The following PPP1R13B variants were observed in gnomAD, a reference collection of about 807,000 sequenced individuals.
PPP1R13B encodes the protein protein phosphatase 1 regulatory subunit 13B.
Under a neutral mutation model 119.8 loss-of-function variants are expected in PPP1R13B, and 44 were observed. That is an observed-to-expected ratio of 0.37 (90% CI 0.29 to 0.47). PPP1R13B has a LOEUF of 0.47. PPP1R13B is among the 20% of genes least tolerant of loss of function. PPP1R13B has a pLI of 0.99. For synonymous variants in PPP1R13B, 542 were observed against 561.5 expected (o/e 0.97, Z 0.49); for missense variants, 1,227 against 1,413.5 (o/e 0.87, Z 2.12).
At chr14:103,782,596 A>C (rs2085362183) in intron 3 of PPP1R13B, among the ~76,000 whole-genome samples, 1 of 152,218 alleles carries the variant, frequency 6.6e-6, no homozygotes, top group Non-Finnish European at 1.5e-5. Flanking sequence ...AGCAATGCAG[A>C]AGACGGCCTG....
At chr14:103,819,531 A>G (rs1261420796) in intron 1 of PPP1R13B, among the ~76,000 whole-genome samples, 1 of 151,908 alleles carries the variant, frequency 6.6e-6, no homozygotes, top group African/African-American at 2.4e-5. Flanking sequence ...AAAAACAACA[A>G]CAAAAAGAAA....
chr14:103,847,385 G>A lies in PPP1R13B; in HGVS notation c.-78C>T. The A allele has an allele frequency of 9.4e-7, 1 of 1,063,538 alleles. No homozygotes were observed. Among genetic ancestry groups the A allele is most frequent in the South Asian group, 3.8e-5 (1 of 25,984 alleles). The allele number at this position is 1,063,538 out of a possible 1,614,324, so 65.9% of individuals were successfully genotyped here. ...CCGAGCTGTGCCCACCGCTCCGGCC[G>A]CCTCCTAAGGCCGCGCTCCCGCCGC... is the stretch of plus-strand genomic sequence containing the variant. On this transcript the variant is annotated 5_prime_UTR_variant, in exon 1 of 17. Coordinates refer to ENST00000202556, the MANE Select transcript of PPP1R13B (RefSeq NM_015316.3).
At chr14:103,739,617 G>A (rs116421241) in intron 12 of PPP1R13B, among the ~76,000 whole-genome samples, 1,524 of 152,314 alleles carry the variant, frequency 0.01, 23 homozygotes, top group African/African-American at 0.035. Context: ...TGGCCACATT[G>A]TGCATTTGTG....
At chr14:103,818,530 C>T in intron 1 of PPP1R13B, 2 of 977,606 alleles carry the variant, frequency 2.0e-6, no homozygotes, top group Non-Finnish European at 2.4e-6. Flanking sequence ...AGCTACTAGA[C>T]AAATCATACA....
chr14:103,835,062 A>T (rs555627158), intron 1 of PPP1R13B, among the ~76,000 whole-genome samples: 1 of 152,168 alleles, frequency 6.6e-6, no homozygotes, highest in Non-Finnish European at 1.5e-5. Context: ...GCTAAGAAGA[A>T]GCCTCATGGT....
intron 2 of PPP1R13B, among the ~76,000 whole-genome samples, chr14:103,785,416 C>G (rs2085437898): frequency 6.6e-6 from 1 of 152,048 alleles, no homozygotes; most frequent in African/African-American, 2.4e-5. Context: ...GAGGGTTTCA[C>G]CATGTTAGCC....
At chr14:103,789,518 T>C (rs780429133) in intron 2 of PPP1R13B, among the ~76,000 whole-genome samples, 3 of 150,096 alleles carry the variant, frequency 2.0e-5, no homozygotes, top group Non-Finnish European at 4.4e-5. Context: ...GTCCGGCCAA[T>C]TTTTTATTTT....
intron 15 of PPP1R13B, chr14:103,736,431 A>T: frequency 1.7e-6 from 1 of 589,916 alleles, no homozygotes; most frequent in Admixed American, 3.0e-5. Context: ...GTCCTGCAGG[A>T]CAGACAGGAC....
chr14:103,747,064 G>A (rs1213696124), intron 8 of PPP1R13B: 2 of 152,574 alleles, frequency 1.3e-5, no homozygotes, highest in Non-Finnish European at 2.9e-5. Flanking sequence ...TCCCAGCAAT[G>A]GGCCCAGTTC....
intron 15 of PPP1R13B, 144 bp downstream of exon 15, chr14:103,737,550 T>C: frequency 9.2e-7 from 1 of 1,089,644 alleles, no homozygotes; most frequent in Non-Finnish European, 1.3e-6. Context: ...CACTCCAGCC[T>C]GGGTGACAGA....
chr14:103,817,667 A>G (rs1017377192), intron 1 of PPP1R13B, among the ~76,000 whole-genome samples: 19 of 152,158 alleles, frequency 1.2e-4, no homozygotes, highest in African/African-American at 4.6e-4. Flanking sequence ...TTTATTAATA[A>G]TAAAAATAGC....
chr14:103,756,632 G>A (rs902546990), intron 5 of PPP1R13B, among the ~76,000 whole-genome samples: 5 of 152,122 alleles, frequency 3.3e-5, no homozygotes, highest in African/African-American at 1.2e-4. Flanking sequence ...CATTGTCTTC[G>A]TGGCCCTGAT....
intron 1 of PPP1R13B, among the ~76,000 whole-genome samples, chr14:103,839,073 C>T (rs1330011206): frequency 2.0e-5 from 3 of 151,968 alleles, no homozygotes; most frequent in Non-Finnish European, 2.9e-5. Context: ...CTCGGCTCAC[C>T]GCAACCTCTG....
At chr14:103,751,183 A>G (rs2084536266) in intron 7 of PPP1R13B, among the ~76,000 whole-genome samples, 1 of 152,184 alleles carries the variant, frequency 6.6e-6, no homozygotes, top group Non-Finnish European at 1.5e-5. Flanking sequence ...AAACAAACAA[A>G]CAAAAACCTG....
chr14:103,757,538 G>C, intron 5 of PPP1R13B, 112 bp downstream of exon 5: 3 of 901,536 alleles, frequency 3.3e-6, no homozygotes, highest in Non-Finnish European at 3.5e-6. Context: ...CACTCCTATG[G>C]CATGGTCCTA....
At chr14:103,831,944 AC>A (rs1036787711) in intron 1 of PPP1R13B, among the ~76,000 whole-genome samples, 15 of 152,042 alleles carry the variant, frequency 9.9e-5, no homozygotes, top group African/African-American at 2.9e-4. Flanking sequence ...ACAAAAAAAA[AC>A]AACACCAAAA....
At chr14:103,787,798 T>C (rs769677565) in intron 2 of PPP1R13B, among the ~76,000 whole-genome samples, 6 of 151,750 alleles carry the variant, frequency 4.0e-5, no homozygotes, top group Non-Finnish European at 8.8e-5. Context: ...GGACTACAGG[T>C]GTGCACCACC....
chr14:103,793,916 G>A (rs1268271660), intron 2 of PPP1R13B, among the ~76,000 whole-genome samples: 1 of 152,156 alleles, frequency 6.6e-6, no homozygotes, highest in Non-Finnish European at 1.5e-5. Context: ...AACTGTATTT[G>A]GAGACAGGAC....
chr14:103,742,996 C>A lies in PPP1R13B; in HGVS notation c.1151-173G>T. On this transcript the variant is annotated intron_variant, in intron 9 of 16. Transcript: ENST00000202556. This position sits in a 1 kb window ranked among gnomAD's most constrained non-coding sequence, Gnocchi z 4.9. Reference sequence around the variant, plus strand: ...GCACAACTGCTGATCTCCTCCAGCACCCACAGACCCGTGCACAAGACCAAG... The same window carrying A: ...GCACAACTGCTGATCTCCTCCAGCAACCACAGACCCGTGCACAAGACCAAG... The A allele has an allele frequency of 1.5e-6, 1 of 688,800 alleles. No homozygotes were observed. Among genetic ancestry groups the A allele is most frequent in the Non-Finnish European group, 2.4e-6 (1 of 417,004 alleles). 42.7% of individuals were successfully genotyped at this position (688,800 alleles called of 1,614,324 possible).
Sources: gnomAD v4.1 joint callset for allele counts (sites outside exome capture counted in the v4.1 genomes callset) on GRCh38, gnomAD v4.1.1 for gene constraint, Gnocchi (gnomAD v3.1) non-coding constraint, MANE v1.5 for transcripts, NCBI Gene and HGNC (gene_info 2026-07-23, HGNC 2026-07-21) for gene names.